SELP: variants seen among roughly 807,000 people sequenced by gnomAD.
The protein encoded by SELP is P-selectin.
SELP carries 92 observed loss-of-function variants against 104.1 expected under a neutral mutation model. The ratio of observed to expected loss-of-function variants is 0.88; its 90% CI spans 0.75 to 1.05. The LOEUF is 1.05. Ranked by LOEUF, SELP falls within the 50% of genes least tolerant of loss-of-function variation. The probability of loss-of-function intolerance (pLI) is 0.00; values close to 1 mark genes in which losing one functional copy is unlikely to be tolerated. For missense variants in SELP, 1,022 were observed against 1,017.3 expected (o/e 1.00, Z -0.06); for synonymous variants, 397 against 364.5 (o/e 1.09, Z -1.01).
chr1:169,600,749 T>C (rs1661867363), intron 10 of SELP, among the ~76,000 whole-genome samples: 1 of 152,224 alleles, frequency 6.6e-6, no homozygotes, highest in African/African-American at 2.4e-5. Flanking sequence ...ATTAATGGGT[T>C]CAGGCATATG....
chr1:169,603,252 T>C (rs1662004998), intron 9 of SELP, 41 bp from the exon 10 acceptor site: 3 of 1,568,364 alleles, frequency 1.9e-6, no homozygotes, highest in African/African-American at 1.3e-5. Flanking sequence ...GAGATCATTT[T>C]ATAATTCAGC....
chr1:169,619,094 C>CTTAGGCCTAAGTAA, intron 2 of SELP, 35 bp downstream of exon 2: 2 of 1,533,106 alleles, frequency 1.3e-6, no homozygotes, highest in Non-Finnish European at 1.8e-6. Flanking sequence ...ACCCTAATTA[C>CTTAGGCCTAAGTAA]TTAGGCCTAA....
intron 3 of SELP, among the ~76,000 whole-genome samples, chr1:169,614,097 C>T (rs929919060): frequency 1.1e-4 from 17 of 152,154 alleles, no homozygotes; most frequent in East Asian, 3.9e-4. Context: ...AGATGTGGGG[C>T]GTGGGGTCAC....
chr1:169,590,744 T>C (rs1021725918), intron 15 of SELP, among the ~76,000 whole-genome samples: 1 of 152,122 alleles, frequency 6.6e-6, no homozygotes, highest in Non-Finnish European at 1.5e-5. Context: ...AGAACTCTTG[T>C]TCATTACAAA....
Position 169,607,116 on chromosome 1 carries a change from A to G in SELP, c.1352T>C (p.Leu451Pro), listed in dbSNP as rs528551337. 4.4e-6 allele frequency: 7 copies of G among 1,601,896 alleles called. No individual in the cohort carries two copies. The South Asian group carries it at 6.6e-5, about 15-fold the overall frequency. Residue 451 changes from leucine (L) to proline (P), a missense_variant, in exon 9 of 17, where the codon CTC (leucine) becomes CCC (proline). By Grantham distance (98) the Leu-to-Pro change is moderately conservative (BLOSUM62 -3). Transcript: ENST00000263686. ...CACCCGGGCCTCATTTGGAACTGGG[A>G]GATCCTGGCACTGCAAAGCTAAGGG... ...PVCQALQCQD[L>P]PVPNEARVNC...
intron 9 of SELP, among the ~76,000 whole-genome samples, chr1:169,604,950 A>G (rs1662110490): frequency 1.3e-5 from 2 of 152,234 alleles, no homozygotes; most frequent in Admixed American, 1.3e-4. Flanking sequence ...CTTCCTGCCC[A>G]GCCCACATTT....
chr1:169,605,319 C>G (rs1662125128), intron 9 of SELP, among the ~76,000 whole-genome samples: 1 of 152,214 alleles, frequency 6.6e-6, no homozygotes, highest in Non-Finnish European at 1.5e-5. Context: ...CCAGACCCAG[C>G]TCTGAAGGTG....
At chr1:169,596,181 A>G (rs1661601411) in intron 11 of SELP, 47 bp from the exon 12 acceptor site, 1 of 1,557,286 alleles carries the variant, frequency 6.4e-7, no homozygotes, top group African/African-American at 1.4e-5. Flanking sequence ...AATTAAAAGA[A>G]GCGTTAACAG....
At chr1:169,598,737 A>G (rs1557949396) in intron 10 of SELP, among the ~76,000 whole-genome samples, 1 of 152,190 alleles carries the variant, frequency 6.6e-6, no homozygotes, top group Non-Finnish European at 1.5e-5. Context: ...GAAAGCAGGG[A>G]CCTTGTCAGT....
At chr1:169,602,156 T>C (rs545535969) in intron 10 of SELP, among the ~76,000 whole-genome samples, 2 of 152,284 alleles carry the variant, frequency 1.3e-5, no homozygotes, top group East Asian at 1.9e-4. Flanking sequence ...TCACCTTCAA[T>C]TCAACAGATA....
At chr1:169,622,992 G>A (rs974991111) in intron 1 of SELP, among the ~76,000 whole-genome samples, 1 of 152,072 alleles carries the variant, frequency 6.6e-6, no homozygotes, top group Non-Finnish European at 1.5e-5. Context: ...GTAATACACT[G>A]GAAAATCCAA....
At chr1:169,614,475 A>G (rs1284343146) in intron 3 of SELP, among the ~76,000 whole-genome samples, 1 of 152,192 alleles carries the variant, frequency 6.6e-6, no homozygotes, top group Non-Finnish European at 1.5e-5. Context: ...GGGTATATGC[A>G]CTTGATGAGA....
intron 10 of SELP, among the ~76,000 whole-genome samples, chr1:169,597,978 C>T (rs1661719347): frequency 6.6e-6 from 1 of 152,162 alleles, no homozygotes; most frequent in Non-Finnish European, 1.5e-5. Flanking sequence ...GCTGTCATGT[C>T]CCATGTCATA....
Position 169,611,630 on chromosome 1 carries a change from A to T in SELP, c.1009T>A (p.Cys337Ser), listed in dbSNP as rs750469375. 1 of 1,614,144 alleles carries T rather than the reference A, an allele frequency of 6.2e-7. No homozygotes were observed. Among genetic ancestry groups the T allele is most frequent in the South Asian group, 1.1e-5 (1 of 91,086 alleles). The change falls in exon 7 of 17, where the codon TGT (cysteine) becomes AGT (serine). Residue 337 changes from cysteine to serine, a missense_variant. By Grantham distance (112) the Cys-to-Ser change is moderately radical (BLOSUM62 -1). Coordinates refer to ENST00000263686, the MANE Select transcript of SELP (RefSeq NM_003005.4). ...GCAAAAGCAGTGAGCGGATGAACAC[A>T]GTCCATGGTTCCTTCACTGGGGGCT... is the stretch of plus-strand genomic sequence containing the variant. The part of the protein sequence containing the change: ...LEAPSEGTMD[C>S]VHPLTAFAYG...
In SELP at chr1:169,613,410, A is replaced by T. The variant is rs536887787; in HGVS notation, c.589+176T>A. 3.3e-5 allele frequency among the ~76,000 whole-genome samples: 5 copies of T among 152,166 alleles called. No individual in the cohort carries two copies. The East Asian group carries it at 9.6e-4, about 29-fold the overall frequency. ...TTATGAGTCAATGTTTTCTCCCAAGAATAAAATGTTTTTACCTAGAGTGTG... is the reference window on the plus strand; with the variant it reads ...TTATGAGTCAATGTTTTCTCCCAAGTATAAAATGTTTTTACCTAGAGTGTG... On this transcript the variant is annotated intron_variant, in intron 4 of 16. Transcript: ENST00000263686.
chr1:169,606,632 T>G (rs1167261988), intron 9 of SELP, among the ~76,000 whole-genome samples: 1 of 151,926 alleles, frequency 6.6e-6, no homozygotes, highest in Non-Finnish European at 1.5e-5. Flanking sequence ...GATGCCATGT[T>G]TGGCCAGGTG....
intron 1 of SELP, among the ~76,000 whole-genome samples, chr1:169,621,178 C>T (rs71523144): frequency 0.31 from 21,371 of 69,754 alleles, 3,132 homozygotes; most frequent in African/African-American, 0.53. Context: ...TGTGTGTGTT[C>T]GTGTGTCATG....
At chr1:169,609,454 G>A in intron 8 of SELP, 50 bp downstream of exon 8, 5 of 1,536,278 alleles carry the variant, frequency 3.3e-6, no homozygotes, top group Non-Finnish European at 8.9e-7. Context: ...AGATGCTGAT[G>A]CCTCTAACGA....
intron 1 of SELP, among the ~76,000 whole-genome samples, chr1:169,621,052 C>T (rs911010284): frequency 1.5e-5 from 2 of 136,280 alleles, no homozygotes; most frequent in African/African-American, 5.7e-5. Context: ...TGTGTCATGC[C>T]ACAGTGACGG....
Sources: allele counts gnomAD v4.1 joint callset (sites outside exome capture counted in the v4.1 genomes callset), GRCh38; gene constraint gnomAD v4.1.1; transcripts MANE v1.5; gene names NCBI Gene and HGNC (gene_info 2026-07-23, HGNC 2026-07-21).